The following GRM5 variants were observed in gnomAD, a reference collection of about 807,000 sequenced individuals.
GRM5 encodes glutamate metabotropic receptor 5, also known as metabotropic glutamate receptor 5.
Under a neutral mutation model 83.1 loss-of-function variants are expected in GRM5, and 19 were observed. The ratio of observed to expected loss-of-function variants is 0.23; its 90% CI spans 0.16 to 0.34. GRM5 has a LOEUF of 0.34. GRM5 is among the 10% of genes least tolerant of loss of function. The pLI, the probability that GRM5 is intolerant of heterozygous loss-of-function variation, is 1.00. For synonymous variants in GRM5, 675 were observed against 633.6 expected, an observed-to-expected ratio of 1.07 and a Z score of -0.98; for missense variants, 1,160 against 1,588.3, an observed-to-expected ratio of 0.73 and a Z score of 4.58.
Position 88,746,904 on chromosome 11 carries a change from T to A in GRM5, c.912-93501A>T, listed in dbSNP as rs117057025. On this transcript the variant is annotated intron_variant, in intron 3 of 9. Transcript: ENST00000305447. Reference sequence around the variant, plus strand: ...AAAATCCAAAAATCAATGAAGCATATCGTTTAGACCTTGTGTTTCTTTCTG... The same window carrying A: ...AAAATCCAAAAATCAATGAAGCATAACGTTTAGACCTTGTGTTTCTTTCTG... 5.5e-3 allele frequency among the ~76,000 whole-genome samples: 843 copies of A among 152,274 alleles called. 4 individuals are homozygous for A. Among genetic ancestry groups the A allele is most frequent in the Non-Finnish European group, 8.5e-3 (576 of 68,024 alleles).
At chr11:88,604,489 A>G (rs573214546) in intron 5 of GRM5, among the ~76,000 whole-genome samples, 109 of 152,300 alleles carry the variant, frequency 7.2e-4, no homozygotes, top group Non-Finnish European at 1.2e-3. Flanking sequence ...TAGGTCTCTG[A>G]AATGTGATGA....
intron 2 of GRM5, among the ~76,000 whole-genome samples, chr11:88,882,582 T>C (rs1426596626): frequency 6.6e-6 from 1 of 150,836 alleles, no homozygotes; most frequent in Admixed American, 6.6e-5. Flanking sequence ...AAAGAATTGA[T>C]AGAATGAAAT....
intron 2 of GRM5, among the ~76,000 whole-genome samples, chr11:88,905,440 T>A (rs1184390928): frequency 6.6e-6 from 1 of 152,008 alleles, no homozygotes; most frequent in Admixed American, 6.6e-5. Context: ...GCCTCCCGGG[T>A]TCAAGTGATT....
intron 3 of GRM5, among the ~76,000 whole-genome samples, chr11:88,735,425 T>A (rs1941891681): frequency 6.6e-6 from 1 of 152,072 alleles, no homozygotes; most frequent in African/African-American, 2.4e-5. Context: ...ACTTTGTTTG[T>A]CCCTGTTGCT....
intron 2 of GRM5, among the ~76,000 whole-genome samples, chr11:89,002,635 C>A (rs1940416360): frequency 6.6e-6 from 1 of 152,108 alleles, no homozygotes; most frequent in African/African-American, 2.4e-5. Flanking sequence ...AGCACAGAAC[C>A]AGTAGAGATG....
intron 2 of GRM5, among the ~76,000 whole-genome samples, chr11:88,913,193 G>T (rs1485262920): frequency 1.3e-5 from 2 of 152,128 alleles, no homozygotes; most frequent in South Asian, 4.1e-4. Context: ...GTAATGGCCA[G>T]AATTGAGCAC....
At chr11:88,743,663 A>C (rs965434979) in intron 3 of GRM5, among the ~76,000 whole-genome samples, 3 of 152,132 alleles carry the variant, frequency 2.0e-5, no homozygotes, top group Non-Finnish European at 4.4e-5. Flanking sequence ...GATAAGCCTT[A>C]GGCCATTTTA....
At chr11:88,978,359 A>G (rs1437710508) in intron 2 of GRM5, among the ~76,000 whole-genome samples, 1 of 151,988 alleles carries the variant, frequency 6.6e-6, no homozygotes, top group Non-Finnish European at 1.5e-5. Flanking sequence ...AGTTGTATCC[A>G]TTAATTATGT....
intron 2 of GRM5, among the ~76,000 whole-genome samples, chr11:88,931,851 T>C (rs1337377328): frequency 6.6e-6 from 1 of 152,190 alleles, no homozygotes; most frequent in Admixed American, 6.6e-5. Context: ...GTATTATTTA[T>C]ATCTTCGCTA....
At chr11:88,934,788 A>G (rs1590976737) in intron 2 of GRM5, among the ~76,000 whole-genome samples, 1 of 152,030 alleles carries the variant, frequency 6.6e-6, no homozygotes, top group East Asian at 1.9e-4. Context: ...ATATTATTAT[A>G]ATAAAAATGC....
intron 2 of GRM5, among the ~76,000 whole-genome samples, chr11:88,858,596 C>T (rs548888219): frequency 5.9e-5 from 9 of 152,084 alleles, no homozygotes; most frequent in East Asian, 3.9e-4. Flanking sequence ...ACAGTTTTAA[C>T]TGCCATACAT....
intron 3 of GRM5, among the ~76,000 whole-genome samples, chr11:88,747,487 G>A (rs190197368): frequency 5.9e-5 from 9 of 152,234 alleles, no homozygotes; most frequent in Admixed American, 5.2e-4. Flanking sequence ...TAGGCTGTAC[G>A]TGTACCTCTA....
chr11:88,571,865 A>G (rs768386425), intron 7 of GRM5, among the ~76,000 whole-genome samples: 30 of 152,200 alleles, frequency 2.0e-4, no homozygotes, highest in Non-Finnish European at 4.1e-4. Context: ...TGAAGACTGG[A>G]AATGAAGAAA....
chr11:89,045,890 G>A (rs1225576167), intron 2 of GRM5, among the ~76,000 whole-genome samples: 1 of 152,098 alleles, frequency 6.6e-6, no homozygotes, highest in Non-Finnish European at 1.5e-5. Context: ...TTCACCAATT[G>A]TCAGTATTCT....
chr11:88,963,235 T>G (rs1938839040), intron 2 of GRM5, among the ~76,000 whole-genome samples: 1 of 152,182 alleles, frequency 6.6e-6, no homozygotes, highest in African/African-American at 2.4e-5. Flanking sequence ...AGATGCAAAT[T>G]TACATTAAAT....
At chr11:88,928,464 G>A (rs28557144) in intron 2 of GRM5, among the ~76,000 whole-genome samples, 2,629 of 115,776 alleles carry the variant, frequency 0.023, 72 homozygotes, top group African/African-American at 0.091. Context: ...GTGTGTGTGT[G>A]TATATATATA....
intron 3 of GRM5, among the ~76,000 whole-genome samples, chr11:88,698,897 T>C (rs1018042224): frequency 1.3e-5 from 2 of 152,164 alleles, no homozygotes; most frequent in African/African-American, 4.8e-5. Flanking sequence ...TATGGTGGAT[T>C]GAACAAAGTG....
intron 2 of GRM5, among the ~76,000 whole-genome samples, chr11:88,914,257 G>C (rs1945553143): frequency 6.6e-6 from 1 of 152,150 alleles, no homozygotes; most frequent in African/African-American, 2.4e-5. Flanking sequence ...CTATCTTTGA[G>C]ACATCATGCT....
intron 2 of GRM5, among the ~76,000 whole-genome samples, chr11:88,902,937 C>G (rs1176864351): frequency 1.0e-5 from 1 of 99,358 alleles, no homozygotes; most frequent in Non-Finnish European, 1.8e-5. Context: ...GGCGACAGAC[C>G]AAGACTCCAT....
Sources: gnomAD v4.1 joint callset for allele counts (sites outside exome capture counted in the v4.1 genomes callset) on GRCh38, gnomAD v4.1.1 for gene constraint, MANE v1.5 for transcripts, NCBI Gene and HGNC (gene_info 2026-07-23, HGNC 2026-07-21) for gene names.